MICAL2: variants seen among roughly 807,000 people sequenced by gnomAD.
MICAL2 encodes the protein [F-actin]-monooxygenase MICAL2.
A neutral mutation model predicts 127.3 loss-of-function variants in MICAL2; 77 were observed. The ratio of observed to expected loss-of-function variants is 0.60; its 90% CI spans 0.50 to 0.73. The LOEUF (loss-of-function observed/expected upper bound fraction) is 0.73. Ranked by LOEUF, MICAL2 falls within the 30% of genes least tolerant of loss-of-function variation. The pLI, the probability that MICAL2 is intolerant of heterozygous loss-of-function variation, is 0.00. For synonymous variants in MICAL2, 570 were observed against 551.1 expected (o/e 1.03, Z -0.48); for missense variants, 1,351 against 1,434.4 (o/e 0.94, Z 0.94).
intron 6 of MICAL2, among the ~76,000 whole-genome samples, chr11:12,211,879 C>T (rs1855514756): frequency 6.6e-6 from 1 of 152,210 alleles, no homozygotes; most frequent in African/African-American, 2.4e-5. Flanking sequence ...CCAGTGGTGG[C>T]AACCTGGGCA....
chr11:12,193,703 A>G (rs749867264), intron 3 of MICAL2, among the ~76,000 whole-genome samples: 9 of 152,242 alleles, frequency 5.9e-5, no homozygotes, highest in Non-Finnish European at 8.8e-5. Flanking sequence ...GGCAGGTGTA[A>G]CATGATGGAT....
intron 15 of MICAL2, among the ~76,000 whole-genome samples, chr11:12,229,841 G>A (rs79077038): frequency 6.6e-6 from 1 of 152,168 alleles, no homozygotes; most frequent in African/African-American, 2.4e-5. Context: ...CTTCTTCAGG[G>A]TGTGTCCCTT....
intron 23 of MICAL2, 22 bp from the exon 24 acceptor site, chr11:12,256,763 A>C: frequency 1.3e-6 from 2 of 1,588,142 alleles, no homozygotes; most frequent in Non-Finnish European, 1.7e-6. Context: ...TAATACACCC[A>C]CTCTTCTCTC....
At chr11:12,282,039 A>G (rs553998221) in intron 2 of MICAL2, among the ~76,000 whole-genome samples, 1 of 152,340 alleles carries the variant, frequency 6.6e-6, no homozygotes, top group African/African-American at 2.4e-5. Context: ...CCTGGTGGTC[A>G]TGAGCAGAAT....
intron 33 of MICAL2, chr11:12,349,958 A>T (rs1383974447): frequency 6.2e-7 from 1 of 1,604,424 alleles, no homozygotes; most frequent in Non-Finnish European, 8.5e-7. Flanking sequence ...CAACACAGAT[A>T]CCAGCGAGTC....
At chr11:12,186,111 A>G (rs1858224691) in intron 3 of MICAL2, among the ~76,000 whole-genome samples, 1 of 152,238 alleles carries the variant, frequency 6.6e-6, no homozygotes, top group Admixed American at 6.5e-5. Context: ...TACAGGATTA[A>G]CTGGCGCCTG....
intron 29 of MICAL2, among the ~76,000 whole-genome samples, chr11:12,317,689 G>C (rs1372537314): frequency 6.6e-6 from 1 of 152,116 alleles, no homozygotes; most frequent in East Asian, 1.9e-4. Flanking sequence ...CTACTCAGGA[G>C]GCTGAGGCAG....
intron 10 of MICAL2, 23 bp downstream of exon 10, chr11:12,221,782 C>T: frequency 6.3e-7 from 1 of 1,595,592 alleles, no homozygotes; most frequent in East Asian, 2.2e-5. Flanking sequence ...AGTAGGGCTC[C>T]TAACTGGGGG....
intron 33 of MICAL2, among the ~76,000 whole-genome samples, chr11:12,353,265 C>T (rs1044528468): frequency 2.0e-4 from 31 of 152,268 alleles, no homozygotes; most frequent in African/African-American, 6.7e-4. Flanking sequence ...AACCTAGTCT[C>T]GGCCCTCACC....
intron 25 of MICAL2, 139 bp from the exon 26 acceptor site, chr11:12,259,656 C>T: frequency 1.4e-6 from 1 of 722,012 alleles, no homozygotes; most frequent in Non-Finnish European, 2.1e-6. Context: ...CCGGCTTCAG[C>T]ATGAGTCGGG....
At chr11:12,267,368 C>T (rs888249402), downstream of MICAL2, among the ~76,000 whole-genome samples, 10 of 152,162 alleles carry the variant, frequency 6.6e-5, no homozygotes, top group Non-Finnish European at 1.3e-4. Context: ...GACTGCAATT[C>T]CCCTTTTCTT....
chr11:12,333,322 T>G (rs950579988), intron 32 of MICAL2, among the ~76,000 whole-genome samples: 3 of 151,760 alleles, frequency 2.0e-5, no homozygotes, highest in Non-Finnish European at 4.4e-5. Flanking sequence ...GAAAATCATT[T>G]GACACAATTT....
At chr11:12,227,717 A>G (rs1159649981) in intron 15 of MICAL2, among the ~76,000 whole-genome samples, 1 of 152,228 alleles carries the variant, frequency 6.6e-6, no homozygotes, top group Non-Finnish European at 1.5e-5. Context: ...AACTTTCTCA[A>G]CTTATAGCAC....
upstream of MICAL2, chr11:12,274,341 G>A (rs1266495659): frequency 2.6e-5 from 4 of 152,110 alleles, no homozygotes; most frequent in East Asian, 5.8e-4. Context: ...CGTTCACCAG[G>A]TACCACCCTA....
In MICAL2 at chr11:12,177,232, T is replaced by G. The variant is rs760485428; in HGVS notation, c.264+14813T>G. ...TGGCATCTCATGATTTTGATTGGGA[T>G]TTCCCTAATGATTAGTGATGTTGAG... On this transcript the variant is annotated intron_variant, in intron 3 of 27. Transcript: ENST00000683283. 6.5e-4 allele frequency among the ~76,000 whole-genome samples: 99 copies of G among 152,342 alleles called. 1 individual carries two copies. Among genetic ancestry groups the G allele is most frequent in the South Asian group, 1.2e-3 (6 of 4,822 alleles).
downstream of MICAL2, among the ~76,000 whole-genome samples, chr11:12,289,369 T>G (rs537056429): frequency 4.6e-5 from 7 of 152,250 alleles, no homozygotes; most frequent in East Asian, 9.7e-4. Context: ...AATGAGGAGC[T>G]CTTGGCTCAA....
At chr11:12,316,499 CTA>C (rs1482117049) in intron 29 of MICAL2, among the ~76,000 whole-genome samples, 1 of 151,454 alleles carries the variant, frequency 6.6e-6, no homozygotes. Context: ...CCTAATTTTC[CTA>C]TGTTAATTTT....
chr11:12,138,883 T>C (rs1565019595), intron 2 of MICAL2, among the ~76,000 whole-genome samples: 1 of 152,134 alleles, frequency 6.6e-6, no homozygotes, highest in Non-Finnish European at 1.5e-5. Flanking sequence ...CAGTGTCCTA[T>C]GGGAACCTTT....
intron 1 of MICAL2, among the ~76,000 whole-genome samples, chr11:12,113,842 G>C (rs7935692): frequency 6.6e-6 from 1 of 151,908 alleles, no homozygotes; most frequent in Non-Finnish European, 1.5e-5. Context: ...TGAGATGAGG[G>C]GGGGCTACAG....
Sources: allele counts gnomAD v4.1 joint callset (sites outside exome capture counted in the v4.1 genomes callset), GRCh38; gene constraint gnomAD v4.1.1; transcripts MANE v1.5; gene names NCBI Gene and HGNC (gene_info 2026-07-23, HGNC 2026-07-21).